ZNF573: variants seen among roughly 807,000 people sequenced by gnomAD.
The protein encoded by ZNF573 is zinc finger protein 573.
ZNF573 carries 41 observed loss-of-function variants against 57.4 expected under a neutral mutation model. The ratio of observed to expected loss-of-function variants is 0.71; its 90% confidence interval spans 0.56 to 0.93. The LOEUF is 0.93. Ranked by LOEUF, ZNF573 falls within the 40% of genes least tolerant of loss-of-function variation. ZNF573 has a pLI of 0.00. For synonymous variants in ZNF573, 249 were observed against 261.0 expected, an observed-to-expected ratio of 0.95 and a Z score of 0.44; for missense variants, 730 against 794.8, an observed-to-expected ratio of 0.92 and a Z score of 0.98.
intron 1 of ZNF573, among the ~76,000 whole-genome samples, chr19:37,777,473 G>A (rs1284892496): frequency 6.6e-6 from 1 of 152,128 alleles, no homozygotes; most frequent in Non-Finnish European, 1.5e-5. Context: ...CCATAAAAAG[G>A]AATGAAATAA....
intron 4 of ZNF573, among the ~76,000 whole-genome samples, chr19:37,754,375 C>T (rs1166351204): frequency 1.3e-5 from 2 of 151,896 alleles, no homozygotes; most frequent in East Asian, 3.9e-4. Flanking sequence ...CAAAAATTAG[C>T]CGGGTGCAGT....
chr19:37,770,633 T>C (rs1041653657), intron 3 of ZNF573: 3 of 139,192 alleles, frequency 2.2e-5, no homozygotes, highest in Non-Finnish European at 4.6e-5. Context: ...AAATTAGGCA[T>C]GGTGGTGCAT....
At chr19:37,765,570 T>C (rs1040682619) in intron 4 of ZNF573, among the ~76,000 whole-genome samples, 3 of 151,698 alleles carry the variant, frequency 2.0e-5, no homozygotes, top group African/African-American at 4.8e-5. Flanking sequence ...ATTAGCTGGG[T>C]GTGGTGGCAC....
chr19:37,777,883 C>A (rs2045724501), intron 1 of ZNF573, among the ~76,000 whole-genome samples: 1 of 150,786 alleles, frequency 6.6e-6, no homozygotes, highest in East Asian at 2.0e-4. Context: ...ATTAGCCGGG[C>A]GTGGTGGCGG....
intron 4 of ZNF573, among the ~76,000 whole-genome samples, chr19:37,746,731 G>A (rs1329946557): frequency 2.0e-5 from 3 of 152,012 alleles, no homozygotes; most frequent in Non-Finnish European, 2.9e-5. Context: ...GTACAGACCC[G>A]CGCCTCCACG....
At position 37,739,640 on chromosome 19, in the gene ZNF573, TAA is replaced by T. The variant is rs1568414366; in HGVS notation, c.848_849del (p.Phe283Ter). ...PYKCKECGKT[F>X]SRRSNLVEHG... ...TGTTCAACAAGATTTGAGCGCCTACTAAAAGTCTTCCCACATTCCTTACATTT... is the reference window on the plus strand; with the variant it reads ...TGTTCAACAAGATTTGAGCGCCTACTAAGTCTTCCCACATTCCTTACATTT... On this transcript the variant is annotated frameshift_variant, in exon 5 of 5. Transcript: ENST00000536220. LOFTEE classifies it high-confidence loss of function. 2 of 1,614,146 alleles carry T rather than the reference TAA, an allele frequency of 1.2e-6. No homozygotes were observed. Among genetic ancestry groups the T allele is most frequent in the Non-Finnish European group, 1.7e-6 (2 of 1,180,016 alleles).
intron 4 of ZNF573, among the ~76,000 whole-genome samples, chr19:37,758,211 A>G (rs2045512441): frequency 5.0e-4 from 1 of 2,002 alleles, no homozygotes; most frequent in South Asian, 0.014. Flanking sequence ...AAATATATAT[A>G]TATATATATA....
At chr19:37,778,989 C>T (rs1220650629) in intron 1 of ZNF573, among the ~76,000 whole-genome samples, 8 of 152,144 alleles carry the variant, frequency 5.3e-5, no homozygotes, top group Non-Finnish European at 1.2e-4. Context: ...AAGTCAATGC[C>T]TTCTTGCTGG....
chr19:37,755,051 G>A (rs2045474536), intron 4 of ZNF573: 1 of 152,028 alleles, frequency 6.6e-6, no homozygotes, highest in South Asian at 2.1e-4. Context: ...CTCACTGCAA[G>A]CTCCGCCTCC....
intron 2 of ZNF573, 33 bp downstream of exon 2, chr19:37,773,628 G>T (rs1165794819): frequency 6.7e-6 from 10 of 1,498,018 alleles, no homozygotes; most frequent in Non-Finnish European, 8.1e-6. Flanking sequence ...CTATGATCAT[G>T]ATATTGCAAG....
chr19:37,749,933 T>G (rs2045417347), intron 4 of ZNF573, among the ~76,000 whole-genome samples: 1 of 152,176 alleles, frequency 6.6e-6, no homozygotes, highest in African/African-American at 2.4e-5. Context: ...ATTATGTAAT[T>G]TGCATAAGTT....
At chr19:37,778,749 G>A (rs1039752637) in intron 1 of ZNF573, among the ~76,000 whole-genome samples, 1 of 152,042 alleles carries the variant, frequency 6.6e-6, no homozygotes, top group East Asian at 1.9e-4. Context: ...AAAATCATGA[G>A]TTATCAGGCC....
chr19:37,774,294 C>T (rs2045687716), intron 1 of ZNF573, among the ~76,000 whole-genome samples: 1 of 151,934 alleles, frequency 6.6e-6, no homozygotes, highest in Non-Finnish European at 1.5e-5. Flanking sequence ...CGTACCACCA[C>T]ACCTAGCTAA....
chr19:37,739,449 TA>T lies in ZNF573; in HGVS notation c.1040del (p.Leu347HisfsTer93). 1 of 1,614,146 alleles carries T rather than the reference TA, an allele frequency of 6.2e-7. No individual in the cohort carries two copies. Among genetic ancestry groups the T allele is most frequent in the Non-Finnish European group, 8.5e-7 (1 of 1,180,012 alleles). ...TTCCACCTTTATGAATTCTCTGATG[TA>T]GAAGAAAGTATGAGGCAGTGGTATA... ...KGYTTASYFL[L>X]HQRIHKGGKP... On this transcript the variant is annotated frameshift_variant, in exon 5 of 5. Transcript: ENST00000536220. LOFTEE classifies it high-confidence loss of function.
chr19:37,750,887 C>T lies in ZNF573; in HGVS notation c.296-10693G>A, dbSNP rs113032635. 6.1e-3 allele frequency among the ~76,000 whole-genome samples: 896 copies of T among 146,980 alleles called. 10 individuals carry two copies. The highest frequency in any genetic ancestry group is 0.021 in the African/African-American group (846 of 40,156). The stretch of plus-strand genomic sequence containing the variant: ...TTCTTGTGGAAAATGACAAGCTGAA[C>T]TAAAATTCATATGTGAATATAGAAG... On this transcript the variant is annotated intron_variant, in intron 4 of 4. Coordinates refer to ENST00000536220, the MANE Select transcript of ZNF573 (RefSeq NM_001172690.2).
intron 4 of ZNF573, among the ~76,000 whole-genome samples, chr19:37,762,774 C>CTT (rs771487185): frequency 1.4e-5 from 2 of 140,358 alleles, no homozygotes; most frequent in Admixed American, 7.2e-5. Context: ...TGGAGCCAGT[C>CTT]TTTTTTTTTT....
At chr19:37,778,904 C>A (rs912150939) in intron 1 of ZNF573, among the ~76,000 whole-genome samples, 1 of 152,144 alleles carries the variant, frequency 6.6e-6, no homozygotes, top group African/African-American at 2.4e-5. Context: ...CTGGGAAAGA[C>A]GAGGTTCTGA....
chr19:37,750,235 A>G (rs1486899406), intron 4 of ZNF573, among the ~76,000 whole-genome samples: 1 of 152,006 alleles, frequency 6.6e-6, no homozygotes, highest in Non-Finnish European at 1.5e-5. Context: ...GGCCTGCGCC[A>G]CCATGCCTCA....
chr19:37,756,631 A>G (rs565814536), intron 4 of ZNF573, among the ~76,000 whole-genome samples: 3 of 152,138 alleles, frequency 2.0e-5, no homozygotes, highest in Non-Finnish European at 4.4e-5. Flanking sequence ...CCTAGTTATA[A>G]TGGCTCTTTG....
Sources: gnomAD v4.1 joint callset for allele counts (sites outside exome capture counted in the v4.1 genomes callset) on GRCh38, gnomAD v4.1.1 for gene constraint, MANE v1.5 for transcripts, NCBI Gene and HGNC (gene_info 2026-07-23, HGNC 2026-07-21) for gene names.